The following CPSF4L variants were observed in gnomAD, a reference collection of about 807,000 sequenced individuals.
CPSF4L encodes putative cleavage and polyadenylation specificity factor subunit 4-like protein.
A neutral mutation model predicts 24.0 loss-of-function variants in CPSF4L; 18 were observed. That is an observed-to-expected ratio of 0.75 (90% confidence interval 0.52 to 1.11). The LOEUF is 1.11. Ranked by LOEUF, CPSF4L falls within the 50% of genes least tolerant of loss-of-function variation. CPSF4L has a pLI of 0.00. For synonymous variants in CPSF4L, 72 were observed against 77.2 expected (o/e 0.93, Z 0.35); for missense variants, 211 against 221.8 (o/e 0.95, Z 0.31).
chr17:73,263,435 G>A (rs1016486562), upstream of CPSF4L, among the ~76,000 whole-genome samples: 19 of 152,146 alleles, frequency 1.2e-4, no homozygotes, highest in African/African-American at 2.4e-5. Context: ...GGCATGAGGG[G>A]CCCAGCAGGG....
intron 2 of CPSF4L, 64 bp from the exon 3 acceptor site, chr17:73,257,897 T>A (rs1026223522): frequency 6.6e-7 from 1 of 1,513,934 alleles, no homozygotes; most frequent in African/African-American, 1.4e-5. Flanking sequence ...AGCTCAGCCC[T>A]CCAGGGGATT....
chr17:73,247,185 C>A, downstream of CPSF4L: 1 of 1,510,916 alleles, frequency 6.6e-7, no homozygotes, highest in Non-Finnish European at 9.2e-7. Flanking sequence ...CGAGTAGTTG[C>A]GACAGAAACC....
intron 5 of CPSF4L, among the ~76,000 whole-genome samples, chr17:73,251,406 C>T (rs1371751563): frequency 6.6e-6 from 1 of 152,146 alleles, no homozygotes; most frequent in African/African-American, 2.4e-5. Flanking sequence ...ATCCAGTGCT[C>T]GGAGGCCCCA....
rs969056714 is a variant in CPSF4L, at chr17:73,248,474, C to T, written c.*20G>A. 57 of 1,551,256 alleles carry T rather than the reference C, an allele frequency of 3.7e-5. No individual in the cohort carries two copies. The East Asian group carries it at 1.0e-3, about 28-fold the overall frequency. ...CCCTGTCTGTGGCATTGGAGTGCCC[C>T]GCTAGGTAAGAAGCAACGCTTAGAT... On this transcript the variant is annotated 3_prime_UTR_variant, in exon 6 of 6. Coordinates refer to ENST00000344935, the MANE Select transcript of CPSF4L (RefSeq NM_001129885.1).
At chr17:73,244,605 TAAAAC>T (rs1408971941), downstream of CPSF4L, 3 of 136,088 alleles carry the variant, frequency 2.2e-5, no homozygotes, top group East Asian at 2.1e-4. Flanking sequence ...TTTGTACAAT[TAAAAC>T]AAAAAGCCCA....
upstream of CPSF4L, among the ~76,000 whole-genome samples, chr17:73,262,733 C>T (rs965443623): frequency 2.6e-5 from 4 of 152,226 alleles, no homozygotes; most frequent in African/African-American, 7.2e-5. Flanking sequence ...CTGGCCTTGC[C>T]TCTAACTAGA....
At chr17:73,243,108 T>A in the CPSF4L span, 1 of 750,544 alleles carries the variant, frequency 1.3e-6, no homozygotes, top group Non-Finnish European at 2.3e-6. Context: ...TTTTACAGCT[T>A]TACAGTATCT....
intron 3 of CPSF4L, among the ~76,000 whole-genome samples, chr17:73,256,419 C>G (rs1487415855): frequency 6.6e-6 from 1 of 152,190 alleles, no homozygotes; most frequent in Non-Finnish European, 1.5e-5. Context: ...TACCCAGGAC[C>G]CTCCCATTGG....
intron 5 of CPSF4L, chr17:73,250,159 T>G: frequency 5.1e-6 from 7 of 1,365,818 alleles, no homozygotes; most frequent in Non-Finnish European, 7.0e-6. Context: ...CTGCTTAGGA[T>G]GACAGCAGGC....
At chr17:73,245,073 A>G (rs995672486), downstream of CPSF4L, 7 of 1,215,254 alleles carry the variant, frequency 5.8e-6, no homozygotes, top group Non-Finnish European at 7.1e-6. Context: ...CTAAACTTAT[A>G]AAACAAAAAG....
downstream of CPSF4L, chr17:73,247,639 T>C: frequency 4.0e-6 from 1 of 247,108 alleles, no homozygotes. Context: ...CCATGAGTCC[T>C]AAAAGGATAT....
downstream of CPSF4L, chr17:73,245,115 A>T: frequency 6.5e-7 from 1 of 1,541,350 alleles, no homozygotes; most frequent in Non-Finnish European, 9.0e-7. Flanking sequence ...AGATAGTAAC[A>T]GTCATTGGAA....
the CPSF4L span, chr17:73,242,320 T>C: frequency 1.2e-6 from 2 of 1,603,806 alleles, no homozygotes. Flanking sequence ...CCAACTTCTC[T>C]CTAATGAGGC....
rs2061982326 is a variant in CPSF4L, at chr17:73,248,451, C to A, written c.*43G>T. On this transcript the variant is annotated 3_prime_UTR_variant, in exon 6 of 6. Transcript: ENST00000344935. ...GAGGGGGTAAAAGTCGTGTTCTGCC[C>A]TGTCTGTGGCATTGGAGTGCCCCGC... 1 of 1,536,948 alleles carries A rather than the reference C, an allele frequency of 6.5e-7. No homozygotes were observed. Among genetic ancestry groups the A allele is most frequent in the Non-Finnish European group, 8.8e-7 (1 of 1,133,674 alleles).
intron 3 of CPSF4L, among the ~76,000 whole-genome samples, chr17:73,257,095 T>C (rs1326431791): frequency 6.6e-6 from 1 of 152,194 alleles, no homozygotes; most frequent in Non-Finnish European, 1.5e-5. Context: ...AAGATGCTGG[T>C]CCAGGCTTGA....
chr17:73,243,720 G>A (rs1039821186), downstream of CPSF4L, among the ~76,000 whole-genome samples: 3 of 151,870 alleles, frequency 2.0e-5, no homozygotes, highest in African/African-American at 7.3e-5. Context: ...TTTTAGTAGA[G>A]ACAGGGTTTT....
At chr17:73,252,770 G>T in intron 4 of CPSF4L, 47 bp from the exon 5 acceptor site, 1 of 1,373,806 alleles carries the variant, frequency 7.3e-7, no homozygotes, top group Non-Finnish European at 1.0e-6. Context: ...TTCAGCAAGA[G>T]GGGAAAACAC....
intron 3 of CPSF4L, 75 bp from the exon 4 acceptor site, chr17:73,254,101 T>G: frequency 8.5e-7 from 1 of 1,170,000 alleles, no homozygotes; most frequent in Non-Finnish European, 1.2e-6. Flanking sequence ...CAGATTGACC[T>G]TGCCCCTCAC....
At chr17:73,243,027 C>T in the CPSF4L span, 1 of 1,569,206 alleles carries the variant, frequency 6.4e-7, no homozygotes, top group South Asian at 1.1e-5. Flanking sequence ...TATTTCTAGC[C>T]TAAATAACAG....
Sources: allele counts gnomAD v4.1 joint callset (sites outside exome capture counted in the v4.1 genomes callset), GRCh38; gene constraint gnomAD v4.1.1; transcripts MANE v1.5; gene names NCBI Gene and HGNC (gene_info 2026-07-23, HGNC 2026-07-21).